The following COX10 variants were observed in gnomAD, a reference collection of about 807,000 sequenced individuals.
COX10 encodes the protein protoheme IX farnesyltransferase, mitochondrial.
In COX10, 27 loss-of-function variants were observed where a neutral mutation model predicts 37.3. The ratio of observed to expected loss-of-function variants is 0.72; its 90% confidence interval spans 0.53 to 1.00. The LOEUF (loss-of-function observed/expected upper bound fraction) is 1.00. COX10 is among the 50% of genes least tolerant of loss of function. The probability of loss-of-function intolerance (pLI) is 0.00; values close to 1 mark genes in which losing one functional copy is unlikely to be tolerated. For missense variants in COX10, 475 were observed against 563.2 expected, an observed-to-expected ratio of 0.84 and a Z score of 1.59; for synonymous variants, 222 against 229.1, an observed-to-expected ratio of 0.97 and a Z score of 0.28.
chr17:14,125,550 G>A (rs548150679), intron 4 of COX10, among the ~76,000 whole-genome samples: 27 of 152,218 alleles, frequency 1.8e-4, no homozygotes, highest in Non-Finnish European at 7.4e-5. Context: ...TTTGAGAGAG[G>A]ATTACAAAGG....
chr17:14,076,111 C>CTT (rs376434284), intron 2 of COX10, among the ~76,000 whole-genome samples: 22,025 of 103,330 alleles, frequency 0.21, 4,123 homozygotes, highest in African/African-American at 0.26. Flanking sequence ...TCTTTTTTGT[C>CTT]TTTTTTTTTT....
At chr17:14,132,854 T>C (rs768125896) in intron 4 of COX10, among the ~76,000 whole-genome samples, 8 of 151,718 alleles carry the variant, frequency 5.3e-5, no homozygotes, top group Non-Finnish European at 7.4e-5. Flanking sequence ...GGAAAAATTA[T>C]GCAATATGAC....
chr17:14,137,236 T>C (rs1904401939), intron 4 of COX10, among the ~76,000 whole-genome samples: 1 of 151,358 alleles, frequency 6.6e-6, no homozygotes. Flanking sequence ...TTCTAAATTA[T>C]CAAAATATGT....
At chr17:14,168,448 G>T (rs1049980732) in intron 5 of COX10, among the ~76,000 whole-genome samples, 4 of 152,236 alleles carry the variant, frequency 2.6e-5, no homozygotes, top group Non-Finnish European at 4.4e-5. Context: ...CCACTAGGCA[G>T]TGCTCTAGTG....
chr17:14,165,937 A>C (rs1905271409), intron 5 of COX10, among the ~76,000 whole-genome samples: 1 of 152,194 alleles, frequency 6.6e-6, no homozygotes, highest in Admixed American at 6.5e-5. Flanking sequence ...CAAGGCCCTA[A>C]CTCTCTTCAG....
intron 3 of COX10, among the ~76,000 whole-genome samples, chr17:14,083,010 C>T (rs1478540140): frequency 2.0e-5 from 3 of 152,144 alleles, no homozygotes; most frequent in Non-Finnish European, 4.4e-5. Flanking sequence ...TGAGAGCCAG[C>T]GGAGCCGGTC....
chr17:14,139,327 T>C (rs142738967), intron 4 of COX10, among the ~76,000 whole-genome samples: 2 of 152,278 alleles, frequency 1.3e-5, no homozygotes, highest in East Asian at 3.9e-4. Context: ...CATGAGAGGC[T>C]AACACATTAA....
chr17:14,087,185 C>T (rs939602681), intron 3 of COX10, among the ~76,000 whole-genome samples: 1 of 152,186 alleles, frequency 6.6e-6, no homozygotes, highest in African/African-American at 2.4e-5. Context: ...TCTCTGTCCT[C>T]ATAGGTCTTA....
chr17:14,155,421 G>A (rs554409070), intron 4 of COX10, among the ~76,000 whole-genome samples: 2 of 151,850 alleles, frequency 1.3e-5, no homozygotes, highest in East Asian at 3.9e-4. Flanking sequence ...TTTATTGAAA[G>A]ATAGGAGAGT....
chr17:14,162,060 A>C (rs764913403), intron 5 of COX10, among the ~76,000 whole-genome samples: 4 of 152,222 alleles, frequency 2.6e-5, no homozygotes, highest in Non-Finnish European at 4.4e-5. Context: ...TTCCCTCTAA[A>C]AAAAGACTAT....
chr17:14,115,409 G>A (rs530299203), intron 4 of COX10, among the ~76,000 whole-genome samples: 96 of 152,214 alleles, frequency 6.3e-4, no homozygotes, highest in African/African-American at 2.2e-3. Context: ...GCAGAGAAAA[G>A]GGAACTCATA....
At chr17:14,198,654 A>AT (rs34286761) in intron 6 of COX10, among the ~76,000 whole-genome samples, 2 of 151,986 alleles carry the variant, frequency 1.3e-5, no homozygotes, top group Admixed American at 6.6e-5. Context: ...AGAGAATGAG[A>AT]TTTTTTTACC....
At chr17:14,134,504 G>A (rs1018088216) in intron 4 of COX10, among the ~76,000 whole-genome samples, 3 of 151,780 alleles carry the variant, frequency 2.0e-5, no homozygotes, top group African/African-American at 7.2e-5. Flanking sequence ...TAGTGTTTCA[G>A]AGCACAGAAT....
At chr17:14,087,742 C>A (rs1027635942) in intron 3 of COX10, among the ~76,000 whole-genome samples, 1 of 151,410 alleles carries the variant, frequency 6.6e-6, no homozygotes, top group Admixed American at 6.6e-5. Flanking sequence ...GTCCTGTTTC[C>A]CAAATCTGGT....
chr17:14,145,627 C>T (rs112287517), intron 4 of COX10, among the ~76,000 whole-genome samples: 172 of 152,162 alleles, frequency 1.1e-3, no homozygotes, highest in South Asian at 7.3e-3. Flanking sequence ...CTTTGTAAGC[C>T]GTGTTAGAGC....
intron 4 of COX10, among the ~76,000 whole-genome samples, chr17:14,132,478 A>G (rs1916489198): frequency 6.6e-6 from 1 of 151,940 alleles, no homozygotes; most frequent in African/African-American, 2.4e-5. Flanking sequence ...CTTTGCATTT[A>G]TAAGCCCTTT....
At chr17:14,174,456 C>CAAAA (rs61593222) in intron 5 of COX10, among the ~76,000 whole-genome samples, 1 of 66,158 alleles carries the variant, frequency 1.5e-5, no homozygotes, top group Non-Finnish European at 3.2e-5. Context: ...AAGACCCTGT[C>CAAAA]AAAAAAAAAA....
intron 4 of COX10, among the ~76,000 whole-genome samples, chr17:14,146,081 T>A: frequency 6.6e-6 from 1 of 152,052 alleles, no homozygotes; most frequent in East Asian, 1.9e-4. Flanking sequence ...AAATACATGG[T>A]CTTATGACAT....
intron 5 of COX10, among the ~76,000 whole-genome samples, chr17:14,173,553 A>G (rs1905551560): frequency 6.6e-6 from 1 of 152,092 alleles, no homozygotes; most frequent in African/African-American, 2.4e-5. Flanking sequence ...AAAACAGGCA[A>G]CCTGGCCAGC....
Sources: gnomAD v4.1 joint callset for allele counts (sites outside exome capture counted in the v4.1 genomes callset) on GRCh38, gnomAD v4.1.1 for gene constraint, MANE v1.5 for transcripts, NCBI Gene and HGNC (gene_info 2026-07-23, HGNC 2026-07-21) for gene names.